PAK1: variants seen among roughly 807,000 people sequenced by gnomAD.
PAK1 encodes the protein serine/threonine-protein kinase PAK 1.
A neutral mutation model predicts 67.4 loss-of-function variants in PAK1; 29 were observed. The ratio of observed to expected loss-of-function variants is 0.43; its 90% confidence interval spans 0.32 to 0.59. The LOEUF (loss-of-function observed/expected upper bound fraction) is 0.59, where lower values mean the gene tolerates loss of function less well. PAK1 is among the 20% of genes least tolerant of loss of function. PAK1 has a pLI of 0.07. For missense variants in PAK1, 337 were observed against 670.7 expected (o/e 0.50, Z 5.50); for synonymous variants, 223 against 237.4 (o/e 0.94, Z 0.56).
chr11:77,324,101 A>G (rs1372339697), intron 14 of PAK1, among the ~76,000 whole-genome samples: 4 of 151,860 alleles, frequency 2.6e-5, no homozygotes, highest in Non-Finnish European at 4.4e-5. Flanking sequence ...ACATTTAATG[A>G]CTATTTAGGA....
the PAK1 span, among the ~76,000 whole-genome samples, chr11:77,500,533 A>T: frequency 6.6e-6 from 1 of 152,056 alleles, no homozygotes; most frequent in Non-Finnish European, 1.5e-5. Context: ...GTCTTGTGGA[A>T]ATCCAAAGCC....
intron 4 of PAK1, among the ~76,000 whole-genome samples, chr11:77,374,629 G>C (rs1319469060): frequency 6.6e-6 from 1 of 152,112 alleles, no homozygotes; most frequent in Admixed American, 6.6e-5. Flanking sequence ...GTTGGGTGTG[G>C]CTTAGCAATG....
chr11:77,382,881 C>T (rs1327011517), intron 2 of PAK1, among the ~76,000 whole-genome samples: 2 of 152,108 alleles, frequency 1.3e-5, no homozygotes, highest in Admixed American at 1.3e-4. Flanking sequence ...GCGTGTAATC[C>T]CAGCTACTCA....
At chr11:77,394,877 AT>A (rs1316408623) in intron 1 of PAK1, among the ~76,000 whole-genome samples, 1 of 150,902 alleles carries the variant, frequency 6.6e-6, no homozygotes, top group Admixed American at 6.6e-5. Flanking sequence ...AATACCCTTC[AT>A]TGACATCTCA....
chr11:77,429,788 A>ATTTG (rs1412688697), intron 1 of PAK1, among the ~76,000 whole-genome samples: 1 of 152,208 alleles, frequency 6.6e-6, no homozygotes, highest in African/African-American at 2.4e-5. Flanking sequence ...CAATTGGCAA[A>ATTTG]GCTTGAATGG....
At chr11:77,425,966 A>C (rs1955522146) in intron 1 of PAK1, among the ~76,000 whole-genome samples, 1 of 152,116 alleles carries the variant, frequency 6.6e-6, no homozygotes, top group South Asian at 2.1e-4. Context: ...TCTGAAAAAG[A>C]AAAAATACTC....
In PAK1 at chr11:77,379,404, G is replaced by A; in HGVS notation, c.292-16C>T. On this transcript the variant is annotated splice_polypyrimidine_tract_variant and intron_variant, in intron 3 of 14. Transcript: ENST00000356341. ...CTGGCATTCCCTGTAAGAGAGACAT[G>A]CAAGACTAACAGGAAGGCACAGTCA... 1 of 1,607,106 alleles carries A rather than the reference G, an allele frequency of 6.2e-7. No individual in the cohort carries two copies. The highest frequency in any genetic ancestry group is 8.5e-7 in the Non-Finnish European group (1 of 1,176,582).
At chr11:77,385,703 A>G (rs1950359779) in intron 2 of PAK1, among the ~76,000 whole-genome samples, 1 of 152,146 alleles carries the variant, frequency 6.6e-6, no homozygotes, top group Non-Finnish European at 1.5e-5. Flanking sequence ...TAAAAAATAC[A>G]AAAATTAGCC....
intron 1 of PAK1, among the ~76,000 whole-genome samples, chr11:77,398,516 A>C (rs1455257306): frequency 2.0e-5 from 3 of 152,146 alleles, no homozygotes; most frequent in African/African-American, 7.2e-5. Flanking sequence ...ACAGGATCTC[A>C]TTCTTTTTTG....
In PAK1 at chr11:77,383,502, T is replaced by C. The variant is rs573506121; in HGVS notation, c.191-3508A>G. ...CACCATACCCAGTTACTTGTTGTATTTGCAGTAGAGACAGGGTTTCACCAT... is the reference window on the plus strand; with the variant it reads ...CACCATACCCAGTTACTTGTTGTATCTGCAGTAGAGACAGGGTTTCACCAT... On this transcript the variant is annotated intron_variant, in intron 2 of 14. Coordinates refer to ENST00000356341, the MANE Select transcript of PAK1 (RefSeq NM_002576.5). Among the ~76,000 whole-genome samples, 73 of 152,140 alleles carry C rather than the reference T, an allele frequency of 4.8e-4. 1 individual carries two copies. The highest frequency in any genetic ancestry group is 3.4e-3 in the Middle Eastern group (1 of 294).
chr11:77,486,006 C>T, the PAK1 span, among the ~76,000 whole-genome samples: 1 of 152,230 alleles, frequency 6.6e-6, no homozygotes, highest in Non-Finnish European at 1.5e-5. Flanking sequence ...TTACAGCTCA[C>T]TCCTCCTAAC....
chr11:77,374,448 C>A, intron 4 of PAK1, 83 bp from the exon 5 acceptor site: 3 of 824,894 alleles, frequency 3.6e-6, no homozygotes, highest in Admixed American at 3.7e-5. Context: ...TCTATCTGGT[C>A]AAGCACGTGC....
intron 11 of PAK1, among the ~76,000 whole-genome samples, chr11:77,339,607 T>C (rs1943264589): frequency 6.6e-6 from 1 of 152,140 alleles, no homozygotes; most frequent in African/African-American, 2.4e-5. Flanking sequence ...ACCATTATTT[T>C]CTAGGGCAGT....
At chr11:77,505,281 G>C in the PAK1 span, among the ~76,000 whole-genome samples, 1 of 151,746 alleles carries the variant, frequency 6.6e-6, no homozygotes, top group Non-Finnish European at 1.5e-5. Context: ...GCCACCTCCC[G>C]GGTTCAAGCG....
the PAK1 span, among the ~76,000 whole-genome samples, chr11:77,509,588 T>A: frequency 6.6e-6 from 1 of 152,310 alleles, no homozygotes; most frequent in South Asian, 2.1e-4. Flanking sequence ...CCCACCCAGA[T>A]CTCATGTTGA....
intron 1 of PAK1, among the ~76,000 whole-genome samples, chr11:77,449,217 T>C (rs1457701876): frequency 6.6e-6 from 1 of 152,198 alleles, no homozygotes; most frequent in Non-Finnish European, 1.5e-5. Context: ...CACCACTTCC[T>C]GAGGCCTTAC....
At chr11:77,380,189 T>G (rs1426628720) in intron 2 of PAK1, among the ~76,000 whole-genome samples, 195 bp from the exon 3 acceptor site, 1 of 152,160 alleles carries the variant, frequency 6.6e-6, no homozygotes, top group Non-Finnish European at 1.5e-5. Flanking sequence ...CTTAATTTCT[T>G]GTTGAACTAA....
chr11:77,514,534 T>G, the PAK1 span, among the ~76,000 whole-genome samples: 2 of 152,274 alleles, frequency 1.3e-5, no homozygotes, highest in South Asian at 4.1e-4. Flanking sequence ...GCTGGCGCTC[T>G]TCAGGATTAG....
intron 1 of PAK1, among the ~76,000 whole-genome samples, chr11:77,405,865 T>C (rs1240507390): frequency 2.0e-5 from 3 of 152,214 alleles, no homozygotes; most frequent in African/African-American, 7.2e-5. Flanking sequence ...TCAAAAGCAG[T>C]CTTGTCAAGA....
Sources: gnomAD v4.1 joint callset for allele counts (sites outside exome capture counted in the v4.1 genomes callset) on GRCh38, gnomAD v4.1.1 for gene constraint, MANE v1.5 for transcripts, NCBI Gene and HGNC (gene_info 2026-07-23, HGNC 2026-07-21) for gene names.